The following GDPD4 variants were observed in gnomAD, a reference collection of about 807,000 sequenced individuals.
GDPD4 encodes the protein glycerophosphodiester phosphodiesterase 6.
A neutral mutation model predicts 67.8 loss-of-function variants in GDPD4; 60 were observed. The ratio of observed to expected loss-of-function variants is 0.88; its 90% CI spans 0.72 to 1.10. The LOEUF (loss-of-function observed/expected upper bound fraction) is 1.10, where lower values mean the gene tolerates loss of function less well. Among genes scored for constraint, GDPD4 ranks in the 50% least tolerant of loss-of-function variants. The probability of loss-of-function intolerance (pLI) is 0.00; values close to 1 mark genes in which losing one functional copy is unlikely to be tolerated. For synonymous variants in GDPD4, 212 were observed against 210.9 expected (o/e 1.00, Z -0.04); for missense variants, 623 against 613.9 (o/e 1.01, Z -0.16).
intron 1 of GDPD4, among the ~76,000 whole-genome samples, chr11:77,289,017 AGGAGG>A (rs907192762): frequency 3.4e-5 from 5 of 147,254 alleles, no homozygotes; most frequent in South Asian, 2.3e-4. Context: ...AAGAAACAGA[AGGAGG>A]GGAGGGGAGG....
chr11:77,254,304 G>A (rs1958961428), intron 11 of GDPD4, among the ~76,000 whole-genome samples: 1 of 152,140 alleles, frequency 6.6e-6, no homozygotes, highest in Admixed American at 6.5e-5. Context: ...GTTCCTCCTG[G>A]TTCCTGGCTG....
At chr11:77,280,576 T>A (rs1332522292) in intron 3 of GDPD4, among the ~76,000 whole-genome samples, 1 of 152,212 alleles carries the variant, frequency 6.6e-6, no homozygotes, top group Non-Finnish European at 1.5e-5. Flanking sequence ...TTTCTTCTAA[T>A]CATTTTACTG....
At chr11:77,261,737 C>T (rs1483853019) in intron 10 of GDPD4, among the ~76,000 whole-genome samples, 2 of 152,192 alleles carry the variant, frequency 1.3e-5, no homozygotes, top group Admixed American at 1.3e-4. Context: ...TCCTTTGCCA[C>T]TCAGCTATTA....
chr11:77,229,306 G>GCAGCAGAGCAAGGGA, intron 14 of GDPD4, 74 bp from the exon 15 acceptor site: 1 of 850,468 alleles, frequency 1.2e-6, no homozygotes, highest in Non-Finnish European at 1.9e-6. Flanking sequence ...TAAGTCCCTT[G>GCAGCAGAGCAAGGGA]CTCTGCTGCC....
intron 12 of GDPD4, among the ~76,000 whole-genome samples, chr11:77,244,101 C>T (rs768062472): frequency 1.3e-5 from 2 of 152,138 alleles, no homozygotes; most frequent in Non-Finnish European, 2.9e-5. Flanking sequence ...CTGTAAGCTC[C>T]GCCACCCGGG....
chr11:77,248,125 CA>C (rs1565520454), intron 11 of GDPD4, among the ~76,000 whole-genome samples: 2 of 149,540 alleles, frequency 1.3e-5, no homozygotes, highest in Non-Finnish European at 3.0e-5. Context: ...GATGCCACAT[CA>C]AGGAAACATT....
At chr11:77,283,367 C>A (rs1959845408) in intron 3 of GDPD4, among the ~76,000 whole-genome samples, 1 of 152,150 alleles carries the variant, frequency 6.6e-6, no homozygotes, top group African/African-American at 2.4e-5. Flanking sequence ...TTCTTACCAC[C>A]ACCACGCTAT....
At chr11:77,233,569 A>G (rs185552188) in intron 13 of GDPD4, among the ~76,000 whole-genome samples, 1 of 152,152 alleles carries the variant, frequency 6.6e-6, no homozygotes, top group Non-Finnish European at 1.5e-5. Flanking sequence ...TGGTAGAACC[A>G]ATTTGCAGAG....
In GDPD4 at chr11:77,294,221, C is replaced by T. The variant is rs1327991466; in HGVS notation, c.-253-6801G>A. ...TGTACTAACGTTATCTTAGTTTTAA[C>T]GAATGAACCACAGTGAAAGGATAAT... On this transcript the variant is annotated intron_variant, in intron 1 of 16. Coordinates refer to ENST00000315938, the MANE Select transcript of GDPD4 (RefSeq NM_182833.3). Among the ~76,000 whole-genome samples, 4 of 152,172 alleles carry T rather than the reference C, an allele frequency of 2.6e-5. 1 individual carries two copies. In the South Asian group the frequency reaches 6.2e-4, roughly 24 times the overall value.
At chr11:77,225,519 G>A (rs905244200) in intron 16 of GDPD4, among the ~76,000 whole-genome samples, 4 of 152,110 alleles carry the variant, frequency 2.6e-5, no homozygotes, top group East Asian at 3.9e-4. Flanking sequence ...TCACATGCAC[G>A]CACACGCACG....
intron 3 of GDPD4, among the ~76,000 whole-genome samples, chr11:77,280,439 T>A (rs142644395): frequency 1.3e-5 from 2 of 150,320 alleles, no homozygotes; most frequent in African/African-American, 4.8e-5. Context: ...AAAAAAAACA[T>A]GAAATCTGGC....
chr11:77,226,400 C>T (rs548983761), intron 16 of GDPD4, among the ~76,000 whole-genome samples: 2 of 152,134 alleles, frequency 1.3e-5, no homozygotes, highest in African/African-American at 4.8e-5. Context: ...GGACTGGTGC[C>T]CTTATGAGAA....
At chr11:77,261,748 A>G (rs1959122788) in intron 10 of GDPD4, among the ~76,000 whole-genome samples, 1 of 152,140 alleles carries the variant, frequency 6.6e-6, no homozygotes, top group African/African-American at 2.4e-5. Context: ...TCAGCTATTA[A>G]CTCAGTTTTC....
At chr11:77,294,428 T>A (rs910044152) in intron 1 of GDPD4, among the ~76,000 whole-genome samples, 2 of 152,152 alleles carry the variant, frequency 1.3e-5, no homozygotes, top group African/African-American at 4.8e-5. Context: ...ATGTGCAGGA[T>A]CTGCATGCTG....
At chr11:77,294,835 C>G (rs1250605718) in intron 1 of GDPD4, among the ~76,000 whole-genome samples, 1 of 151,780 alleles carries the variant, frequency 6.6e-6, no homozygotes, top group Non-Finnish European at 1.5e-5. Flanking sequence ...AGAAAAAGGC[C>G]CATATATATA....
chr11:77,228,499 CAAAAA>C (rs58364800), intron 15 of GDPD4, among the ~76,000 whole-genome samples: 2 of 26,642 alleles, frequency 7.5e-5, no homozygotes, highest in African/African-American at 3.1e-4. Context: ...GACTCCGTCT[CAAAAA>C]AAAAAAAAAA....
rs941469641 is a variant in GDPD4, at chr11:77,229,245, A to T, written c.1390-13T>A. On this transcript the variant is annotated splice_polypyrimidine_tract_variant and intron_variant, in intron 14 of 16. Coordinates refer to ENST00000315938, the MANE Select transcript of GDPD4 (RefSeq NM_182833.3). ...AGAACTTTGGTGTCTGAAAAACATAAACCACAGTGAAAGAACTTTACAGTT... is the reference window on the plus strand; with the variant it reads ...AGAACTTTGGTGTCTGAAAAACATATACCACAGTGAAAGAACTTTACAGTT... The T allele has an allele frequency of 6.6e-7, 1 of 1,523,046 alleles. No individual in the cohort carries two copies. 94.3% of individuals were successfully genotyped at this position (1,523,046 alleles called of 1,614,324 possible).
chr11:77,259,814 G>T (rs1008830296), intron 10 of GDPD4, among the ~76,000 whole-genome samples: 3 of 152,176 alleles, frequency 2.0e-5, no homozygotes, highest in Non-Finnish European at 4.4e-5. Context: ...GTCCATAAGT[G>T]TATGGCTAAA....
intron 10 of GDPD4, among the ~76,000 whole-genome samples, chr11:77,267,211 C>T (rs1157578827): frequency 2.0e-5 from 3 of 152,286 alleles, no homozygotes; most frequent in Admixed American, 6.5e-5. Context: ...GGCTTGCAGC[C>T]GAAGAGTAAC....
Sources: gnomAD v4.1 joint callset for allele counts (sites outside exome capture counted in the v4.1 genomes callset) on GRCh38, gnomAD v4.1.1 for gene constraint, MANE v1.5 for transcripts, NCBI Gene and HGNC (gene_info 2026-07-23, HGNC 2026-07-21) for gene names.